Variants in FAM135B observed in about 807,000 individuals in gnomAD.
FAM135B encodes family with sequence similarity 135 member B.
In FAM135B, 43 loss-of-function variants were observed where a neutral mutation model predicts 127.7. That is an observed-to-expected ratio of 0.34 (90% CI 0.26 to 0.43). The LOEUF (loss-of-function observed/expected upper bound fraction) is 0.43. FAM135B is among the 20% of genes least tolerant of loss of function. FAM135B has a pLI of 1.00. For synonymous variants in FAM135B, 670 were observed against 665.1 expected, an observed-to-expected ratio of 1.01 and a Z score of -0.11; for missense variants, 1,558 against 1,725.6, an observed-to-expected ratio of 0.90 and a Z score of 1.72.
chr8:138,388,001 T>C (rs922148671), intron 1 of FAM135B, among the ~76,000 whole-genome samples: 4 of 152,094 alleles, frequency 2.6e-5, no homozygotes, highest in African/African-American at 9.7e-5. Flanking sequence ...AACAGGTACA[T>C]GAAAAGAGGC....
At chr8:138,319,984 C>T (rs963480161) in intron 2 of FAM135B, among the ~76,000 whole-genome samples, 7 of 152,098 alleles carry the variant, frequency 4.6e-5, no homozygotes, top group African/African-American at 1.7e-4. Context: ...TTGCTGATCA[C>T]CAGCCAAGGG....
At chr8:138,190,278 C>G (rs564292310) in intron 9 of FAM135B, among the ~76,000 whole-genome samples, 1 of 152,320 alleles carries the variant, frequency 6.6e-6, no homozygotes, top group Non-Finnish European at 1.5e-5. Flanking sequence ...TGAACCCCTC[C>G]TCTTGGTCAG....
intron 9 of FAM135B, among the ~76,000 whole-genome samples, chr8:138,191,324 G>T (rs368837646): frequency 1.3e-5 from 2 of 152,268 alleles, no homozygotes; most frequent in Admixed American, 1.3e-4. Context: ...GACACATAAC[G>T]CAGGACAATA....
intron 7 of FAM135B, among the ~76,000 whole-genome samples, chr8:138,213,944 T>G (rs1818344175): frequency 1.1e-5 from 1 of 88,380 alleles, no homozygotes; most frequent in Non-Finnish European, 2.3e-5. Context: ...CTTTTGGTGG[T>G]GTTCAGGATG....
chr8:138,356,416 C>T (rs1204442183), intron 2 of FAM135B, among the ~76,000 whole-genome samples: 1 of 152,086 alleles, frequency 6.6e-6, no homozygotes, highest in African/African-American at 2.4e-5. Flanking sequence ...CCCATGTGAG[C>T]CTCTGCTTCC....
chr8:138,364,626 G>A (rs1049609602), intron 2 of FAM135B, among the ~76,000 whole-genome samples: 9 of 152,090 alleles, frequency 5.9e-5, no homozygotes, highest in Non-Finnish European at 1.3e-4. Flanking sequence ...TCTTCTGGGC[G>A]AGTGGTCTCC....
intron 1 of FAM135B, among the ~76,000 whole-genome samples, chr8:138,368,846 T>TAG (rs1187101974): frequency 6.6e-6 from 1 of 152,138 alleles, no homozygotes; most frequent in African/African-American, 2.4e-5. Context: ...TGAAAGCATC[T>TAG]AGATACCAGG....
At chr8:138,149,652 C>G (rs1817960933) in intron 13 of FAM135B, among the ~76,000 whole-genome samples, 1 of 152,080 alleles carries the variant, frequency 6.6e-6, no homozygotes, top group Non-Finnish European at 1.5e-5. Flanking sequence ...TTAGCCTCAT[C>G]ATCATCATCA....
chr8:138,263,494 C>T (rs73716699), intron 4 of FAM135B, among the ~76,000 whole-genome samples: 6,487 of 152,236 alleles, frequency 0.043, 295 homozygotes, highest in African/African-American at 0.12. Flanking sequence ...AGAGGGGAAA[C>T]GGCCAAGTAG....
At chr8:138,175,651 G>A (rs1814381558) in intron 11 of FAM135B, among the ~76,000 whole-genome samples, 3 of 152,202 alleles carry the variant, frequency 2.0e-5, no homozygotes, top group Admixed American at 1.3e-4. Flanking sequence ...CAGACACTAC[G>A]AAAGGCAGTT....
intron 7 of FAM135B, among the ~76,000 whole-genome samples, chr8:138,201,137 A>C (rs1375478132): frequency 1.3e-5 from 2 of 152,190 alleles, no homozygotes; most frequent in Non-Finnish European, 2.9e-5. Context: ...AAAGGCACCA[A>C]ATACAGTAGT....
At position 138,243,198 on chromosome 8, in the gene FAM135B, G is replaced by A. The variant is rs912739074; in HGVS notation, c.543-130C>T. 3 of 1,053,370 alleles carry A rather than the reference G, an allele frequency of 2.8e-6. No homozygotes were observed. The Admixed American group carries it at 9.3e-5, about 33-fold the overall frequency. The allele number at this position is 1,053,370 out of a possible 1,614,324, so 65.3% of individuals were successfully genotyped here. A position where few individuals can be genotyped will look rare whatever the true frequency, so the allele number is the denominator to read the frequency against. Reference sequence around the variant, plus strand: ...TCATTTAGGAGTAGTTCACCCCCTAGGGAGTGTTTGCATGTGACATTTGTG... The same window carrying A: ...TCATTTAGGAGTAGTTCACCCCCTAAGGAGTGTTTGCATGTGACATTTGTG... On this transcript the variant is annotated intron_variant, in intron 6 of 19. Transcript: ENST00000395297. This position sits in a 1 kb window ranked among gnomAD's most constrained non-coding sequence, Gnocchi z 7.5.
chr8:138,488,374 A>C (rs139670357), intron 1 of FAM135B, among the ~76,000 whole-genome samples: 275 of 152,192 alleles, frequency 1.8e-3, no homozygotes, highest in African/African-American at 6.4e-3. Context: ...AAAACAAATA[A>C]ACCGATGCAT....
Position 138,389,009 on chromosome 8 carries a change from A to G in FAM135B, c.-19-21007T>C, listed in dbSNP as rs1353725043. Among the ~76,000 whole-genome samples, 6 of 152,148 alleles carry G rather than the reference A, an allele frequency of 3.9e-5. No individual in the cohort carries two copies. The East Asian group carries it at 1.2e-3, about 29-fold the overall frequency. On this transcript the variant is annotated intron_variant, in intron 1 of 19. Transcript: ENST00000395297. ...ATACAGGTGTGGAGTCAGGGGGTAA[A>G]TGGGAAATCTCTGTATCTTCCATTC...
In FAM135B at chr8:138,497,079, G is replaced by A. The variant is rs1423927096; in HGVS notation, c.-428C>T. Among the ~76,000 whole-genome samples the A allele has an allele frequency of 4.6e-5, 7 of 151,712 alleles. No individual in the cohort carries two copies. Among genetic ancestry groups the A allele is most frequent in the Non-Finnish European group, 1.0e-4 (7 of 67,872 alleles). ...CCGACCGGCTGCGCCCGCGCCGCTGGGCTGGCGCCTCCCGGGCTGCGCTCA... is the reference window on the plus strand; with the variant it reads ...CCGACCGGCTGCGCCCGCGCCGCTGAGCTGGCGCCTCCCGGGCTGCGCTCA... On this transcript the variant is annotated 5_prime_UTR_variant, in exon 1 of 20. Transcript: ENST00000395297.
intron 1 of FAM135B, among the ~76,000 whole-genome samples, chr8:138,451,410 G>A (rs1275819865): frequency 6.6e-6 from 1 of 152,194 alleles, no homozygotes; most frequent in East Asian, 1.9e-4. Context: ...ACAGCAAGAA[G>A]ATACTTGAAG....
At chr8:138,481,819 C>T (rs2131681725) in intron 1 of FAM135B, among the ~76,000 whole-genome samples, 1 of 152,336 alleles carries the variant, frequency 6.6e-6, no homozygotes, top group South Asian at 2.1e-4. Context: ...AGGGAATTGT[C>T]CTATAAGACC....
intron 1 of FAM135B, among the ~76,000 whole-genome samples, chr8:138,443,996 G>T (rs1246012944): frequency 6.6e-6 from 1 of 152,178 alleles, no homozygotes; most frequent in Non-Finnish European, 1.5e-5. Context: ...GGCAGGGGTT[G>T]CAATCCTAGT....
intron 1 of FAM135B, among the ~76,000 whole-genome samples, chr8:138,445,930 T>G (rs531149519): frequency 7.7e-4 from 118 of 152,298 alleles, no homozygotes; most frequent in African/African-American, 2.7e-3. Context: ...AAAATCTCCT[T>G]AAGCTGATAA....
Sources: gnomAD v4.1 joint callset for allele counts (sites outside exome capture counted in the v4.1 genomes callset) on GRCh38, gnomAD v4.1.1 for gene constraint, Gnocchi (gnomAD v3.1) non-coding constraint, MANE v1.5 for transcripts, NCBI Gene and HGNC (gene_info 2026-07-23, HGNC 2026-07-21) for gene names.